Variants in NEGR1 observed in about 807,000 individuals in gnomAD.
NEGR1 encodes the protein neuronal growth regulator 1.
NEGR1 carries 10 observed loss-of-function variants against 40.9 expected under a neutral mutation model. The observed-to-expected ratio is 0.24, with a 90% CI of 0.15 to 0.42. The LOEUF is 0.42. NEGR1 is among the 10% of genes least tolerant of loss of function. The pLI, the probability that NEGR1 is intolerant of heterozygous loss-of-function variation, is 1.00. For synonymous variants in NEGR1, 185 were observed against 166.8 expected (o/e 1.11, Z -0.84); for missense variants, 352 against 438.9 (o/e 0.80, Z 1.77).
At chr1:72,046,974 T>A (rs1009713972) in intron 1 of NEGR1, among the ~76,000 whole-genome samples, 1 of 151,544 alleles carries the variant, frequency 6.6e-6, no homozygotes, top group Non-Finnish European at 1.5e-5. Context: ...TCTTCCAACG[T>A]CCTTAATTTT....
intron 3 of NEGR1, 66 bp from the exon 4 acceptor site, chr1:71,698,205 T>C (rs1250041397): frequency 1.4e-6 from 2 of 1,399,916 alleles, no homozygotes; most frequent in African/African-American, 1.4e-5. Context: ...AAAACAACAA[T>C]TTCATGACTT....
chr1:71,698,038 C>A lies in NEGR1; in HGVS notation c.637G>T (p.Asp213Tyr), dbSNP rs1363523430. 6.2e-7 allele frequency: 1 copy of A among 1,611,508 alleles called. No individual in the cohort carries two copies. Among genetic ancestry groups the A allele is most frequent in the Non-Finnish European group, 8.5e-7 (1 of 1,178,246 alleles). Residue 213 changes from aspartate (D) to tyrosine (Y), a missense_variant, in exon 4 of 7, where the codon GAT (aspartate) becomes TAT (tyrosine). This residue lies in a region of NEGR1 where 184 missense variants were observed against 208.7 expected (regional missense o/e 0.88). Coordinates refer to ENST00000357731, the MANE Select transcript of NEGR1 (RefSeq NM_173808.3). ...ACAACAACTTTTACTTTCCTCACATCTGGGAATGACACATCATTTTCCGCA... is the reference window on the plus strand; with the variant it reads ...ACAACAACTTTTACTTTCCTCACATATGGGAATGACACATCATTTTCCGCA... ...CSAENDVSFP[D>Y]VRKVKVVVNF...
chr1:71,887,233 C>T (rs976335609), intron 2 of NEGR1, among the ~76,000 whole-genome samples: 1 of 151,948 alleles, frequency 6.6e-6, no homozygotes, highest in African/African-American at 2.4e-5. Flanking sequence ...GTTGAGTAGG[C>T]TGAGGAGGAG....
At chr1:71,794,101 T>C (rs1008881883) in intron 2 of NEGR1, 4 of 152,122 alleles carry the variant, frequency 2.6e-5, no homozygotes, top group South Asian at 4.1e-4. Context: ...AACAAGTCAT[T>C]GCTAATAGAT....
chr1:71,525,137 A>C (rs1647201225), intron 6 of NEGR1, among the ~76,000 whole-genome samples: 1 of 151,718 alleles, frequency 6.6e-6, no homozygotes, highest in Non-Finnish European at 1.5e-5. Flanking sequence ...TCATTCACCC[A>C]TCCATTCTTT....
At chr1:71,712,196 T>C (rs904168764) in intron 3 of NEGR1, among the ~76,000 whole-genome samples, 2 of 152,234 alleles carry the variant, frequency 1.3e-5, no homozygotes, top group African/African-American at 4.8e-5. Context: ...AGCATATTGA[T>C]ATACTACTAT....
At chr1:71,561,770 T>C (rs1570034856) in intron 6 of NEGR1, among the ~76,000 whole-genome samples, 1 of 151,776 alleles carries the variant, frequency 6.6e-6, no homozygotes, top group African/African-American at 2.4e-5. Flanking sequence ...GTTGAGCAGA[T>C]GGCTTAGGTG....
Position 71,559,046 on chromosome 1 carries a change from C to T in NEGR1, c.940+33771G>A, listed in dbSNP as rs74088165. On this transcript the variant is annotated intron_variant, in intron 6 of 6. Coordinates refer to ENST00000357731, the MANE Select transcript of NEGR1 (RefSeq NM_173808.3). The stretch of plus-strand genomic sequence containing the variant: ...ATATATATATATATATATATATATA[C>T]ACATATATATTCATGTGTATGCATA... Among the ~76,000 whole-genome samples, 414 of 51,374 alleles carry T rather than the reference C, an allele frequency of 8.1e-3. 2 individuals carry two copies. Among genetic ancestry groups the T allele is most frequent in the African/African-American group, 0.024 (388 of 15,920 alleles). The allele number at this position is 51,374 out of a possible 152,430, so 33.7% of individuals were successfully genotyped here. A position where few individuals can be genotyped will look rare whatever the true frequency, so the allele number is the denominator to read the frequency against.
At chr1:71,612,453 G>A (rs1650294018) in intron 4 of NEGR1, among the ~76,000 whole-genome samples, 1 of 151,814 alleles carries the variant, frequency 6.6e-6, no homozygotes, top group African/African-American at 2.4e-5. Context: ...GTCAACATGT[G>A]CCAGGCATTT....
rs377536499 is a variant in NEGR1, at chr1:72,281,106, T to C, written c.176+1213A>G. Among the ~76,000 whole-genome samples the C allele has an allele frequency of 1.3e-4, 20 of 152,242 alleles. No homozygotes were observed. The East Asian group carries it at 3.9e-3, about 29-fold the overall frequency. Reference sequence around the variant, plus strand: ...GGTAAAATCAGGGTATGGATGTTTATTAATGACAAACCACCTCAGAGCTCA... The same window carrying C: ...GGTAAAATCAGGGTATGGATGTTTACTAATGACAAACCACCTCAGAGCTCA... On this transcript the variant is annotated intron_variant, in intron 1 of 6. Transcript: ENST00000357731.
intron 4 of NEGR1, among the ~76,000 whole-genome samples, chr1:71,675,166 C>G (rs12408386): frequency 2.4e-5 from 3 of 125,810 alleles, no homozygotes; most frequent in Admixed American, 8.2e-5. Context: ...ATATTTAAAG[C>G]AGGTGTTAGC....
intron 1 of NEGR1, among the ~76,000 whole-genome samples, chr1:72,178,639 C>T (rs571704849): frequency 1.3e-5 from 2 of 151,752 alleles, no homozygotes; most frequent in Non-Finnish European, 2.9e-5. Context: ...AACTTACATT[C>T]CCACCAGCAG....
intron 1 of NEGR1, among the ~76,000 whole-genome samples, chr1:72,140,785 T>C (rs147230610): frequency 6.0e-4 from 91 of 152,090 alleles, no homozygotes; most frequent in African/African-American, 2.1e-3. Flanking sequence ...CATTAATAAT[T>C]GGACTTGATA....
Position 71,863,681 on chromosome 1 carries a change from G to A in NEGR1, c.409+71398C>T, listed in dbSNP as rs140068039. 2.4e-3 allele frequency among the ~76,000 whole-genome samples: 358 copies of A among 152,186 alleles called. 1 individual carries two copies. The highest frequency in any genetic ancestry group is 8.1e-3 in the African/African-American group (336 of 41,522). ...TACTGGACTTACTTCTCTTTGTTTC[G>A]ATTACAGTTCCTACACACAGTTATT... On this transcript the variant is annotated intron_variant, in intron 2 of 6. Transcript: ENST00000357731.
chr1:71,986,444 G>T (rs1216583104), intron 1 of NEGR1, among the ~76,000 whole-genome samples: 1 of 152,182 alleles, frequency 6.6e-6, no homozygotes, highest in Non-Finnish European at 1.5e-5. Flanking sequence ...CCTACAGACT[G>T]ATCTTCATCC....
chr1:71,977,329 A>AAAAC (rs1553127186), intron 1 of NEGR1, among the ~76,000 whole-genome samples: 9 of 152,100 alleles, frequency 5.9e-5, no homozygotes, highest in African/African-American at 1.9e-4. Flanking sequence ...CCATCTCAAA[A>AAAAC]AAAACAAAAC....
chr1:71,796,112 C>T (rs1333374271), intron 2 of NEGR1, among the ~76,000 whole-genome samples: 2 of 152,132 alleles, frequency 1.3e-5, no homozygotes, highest in Non-Finnish European at 2.9e-5. Context: ...TAATTTTTAA[C>T]ATTCAGTTGA....
intron 1 of NEGR1, among the ~76,000 whole-genome samples, chr1:72,145,562 G>A (rs557485508): frequency 1.1e-3 from 174 of 152,194 alleles, no homozygotes; most frequent in Non-Finnish European, 2.1e-3. Flanking sequence ...TTGTCCACTC[G>A]ATGAAATGGG....
chr1:71,503,683 G>C (rs1460962147), intron 6 of NEGR1, among the ~76,000 whole-genome samples: 1 of 152,008 alleles, frequency 6.6e-6, no homozygotes, highest in East Asian at 1.9e-4. Context: ...ACAAGTACTG[G>C]AATAAGGAAT....
Sources: gnomAD v4.1 joint callset for allele counts (sites outside exome capture counted in the v4.1 genomes callset) on GRCh38, gnomAD v4.1.1 for gene constraint, gnomAD v4.1.1 regional missense constraint, MANE v1.5 for transcripts, NCBI Gene and HGNC (gene_info 2026-07-23, HGNC 2026-07-21) for gene names.